TNXB: variants seen among roughly 807,000 people sequenced by gnomAD.
TNXB encodes tenascin XB, also known as tenascin-X.
A neutral mutation model predicts 340.5 loss-of-function variants in TNXB; 183 were observed. The observed-to-expected ratio is 0.54, with a 90% confidence interval of 0.48 to 0.61. The LOEUF is 0.61. Among genes scored for constraint, TNXB ranks in the 20% least tolerant of loss-of-function variants. TNXB has a pLI of 0.00. For missense variants in TNXB, 4,613 were observed against 5,446.4 expected (o/e 0.85, Z 4.82); for synonymous variants, 2,121 against 2,314.5 (o/e 0.92, Z 2.40).
At position 32,041,507 on chromosome 6, in the gene TNXB, G is replaced by A. The variant is rs451652; in HGVS notation, c.12634-57C>T. ...GCCGGATGTCCCATCTGCTCTTCCC[G>A]TTCCCCTTAAGGAGGTAGCTCCCAG... On this transcript the variant is annotated intron_variant, in intron 43 of 43. Transcript: ENST00000644971. 24,394 of 1,215,108 alleles carry A rather than the reference G, an allele frequency of 0.02. 2,328 individuals are homozygous for A. Among genetic ancestry groups the A allele is most frequent in the African/African-American group, 0.094 (5,493 of 58,554 alleles). 75.3% of individuals were successfully genotyped at this position (1,215,108 alleles called of 1,614,324 possible). A position where few individuals can be genotyped will look rare whatever the true frequency, so the allele number is the denominator to read the frequency against.
In TNXB at chr6:32,045,777, C is replaced by T. The variant is rs536277109; in HGVS notation, c.10606+398G>A. 1,160 of 1,048,352 alleles carry T rather than the reference C, an allele frequency of 1.1e-3. 1 individual carries two copies. In the African/African-American group the frequency reaches 0.015, roughly 13 times the overall value. The allele number at this position is 1,048,352 out of a possible 1,614,324, so 64.9% of individuals were successfully genotyped here. A position where few individuals can be genotyped will look rare whatever the true frequency, so the allele number is the denominator to read the frequency against. ...CCACTGCTGTTGGTTTCTGTGTCCC[C>T]GCTCATTTTGTTTTCCAGTGATGTT... On this transcript the variant is annotated intron_variant, in intron 31 of 43. Coordinates refer to ENST00000644971, the MANE Select transcript of TNXB (RefSeq NM_001365276.2).
chr6:32,086,256 C>T, intron 6 of TNXB, 138 bp from the exon 7 acceptor site: 3 of 1,052,290 alleles, frequency 2.9e-6, no homozygotes, highest in Non-Finnish European at 3.9e-6. Flanking sequence ...CTGGGCCACT[C>T]CCTCCTCCCA....
rs534795841 is a variant in TNXB, at chr6:32,096,916, G to A, written c.937C>T (p.Arg313Trp). 3 of 1,577,780 alleles carry A rather than the reference G, an allele frequency of 1.9e-6. No individual in the cohort carries two copies. The highest frequency in any genetic ancestry group is 1.7e-5 in the Admixed American group (1 of 58,802). The change falls in exon 3 of 44, where the codon CGG becomes TGG. Residue 313 changes from arginine (R) to tryptophan (W), a missense_variant. Arg to Trp is a moderately radical substitution (Grantham distance 101). This residue lies in a region of TNXB where 4,327 missense variants were observed against 4,859.4 expected (regional missense o/e 0.89). Coordinates refer to ENST00000644971, the MANE Select transcript of TNXB (RefSeq NM_001365276.2). Reference protein sequence around the residue: ...GEDCGVRSCPRGCSQRGRCKD... With the variant: ...GEDCGVRSCPWGCSQRGRCKD... The stretch of plus-strand genomic sequence containing the variant: ...CAGCGTCCCCGCTGGCTGCAGCCCC[G>A]AGGGCAGCTCCTCACCCCACAGTCC...
Position 32,073,658 on chromosome 6 carries a change from AC to A in TNXB, c.4669del (p.Val1557SerfsTer3). On this transcript the variant is annotated frameshift_variant, in exon 12 of 44. Transcript: ENST00000644971. LOFTEE classifies it high-confidence loss of function. The surrounding 1 kb of genome is among the most constrained non-coding windows in gnomAD (Gnocchi z 4.6). Reference sequence around the variant, plus strand: ...CCCCCATTACTCACCCGTCACGATGACCACAGACAGGGGGCCCATGCGTTGC... The same window carrying A: ...CCCCCATTACTCACCCGTCACGATGACACAGACAGGGGGCCCATGCGTTGC... ...DGQRMGPLSVVIVTAPLPPAP... is the reference protein window; with the variant it reads ...DGQRMGPLSVXIVTAPLPPAP... 6.2e-7 allele frequency: 1 copy of A among 1,606,834 alleles called. No individual in the cohort carries two copies. Among genetic ancestry groups the A allele is most frequent in the East Asian group, 2.2e-5 (1 of 44,786 alleles).
chr6:32,085,922 T>G lies in TNXB; in HGVS notation c.2976A>C (p.Gln992His), dbSNP rs183834630. Residue 992 changes from glutamine to histidine, a missense_variant, in exon 7 of 44, where the codon CAA becomes CAC. Transcript: ENST00000644971. The surrounding 1 kb of genome is among the most constrained non-coding windows in gnomAD (Gnocchi z 6.4). ...GCCCCTCGGGCACCCGCATGCGCAGTTGGAAGTAGGCAAAGGTGTCAGGCT... is the reference window on the plus strand; with the variant it reads ...GCCCCTCGGGCACCCGCATGCGCAGGTGGAAGTAGGCAAAGGTGTCAGGCT... Reference protein sequence around the residue: ...TAQPDTFAYFQLRMRVPEGPG... With the variant: ...TAQPDTFAYFHLRMRVPEGPG... 1.2e-6 allele frequency: 2 copies of G among 1,608,554 alleles called. No homozygotes were observed. Among genetic ancestry groups the G allele is most frequent in the East Asian group, 4.5e-5 (2 of 44,874 alleles).
intron 21 of TNXB, among the ~76,000 whole-genome samples, chr6:32,060,844 G>A (rs1777963171): frequency 6.6e-6 from 1 of 151,924 alleles, no homozygotes; most frequent in South Asian, 2.1e-4. Context: ...TCACCATGTT[G>A]GCTAGACTGG....
rs12524664 is a variant in TNXB, at chr6:32,061,654, G to A, written c.7235C>T (p.Pro2412Leu). Reference protein sequence around the residue: ...SMEAPEPPEEPLLGELTVTGS... With the variant: ...SMEAPEPPEELLLGELTVTGS... The stretch of plus-strand genomic sequence containing the variant: ...TGTCACTGTTAGCTCCCCCAGGAGC[G>A]GCTCCTCAGGGGGCTCCGGGGCCTC... The change falls in exon 21 of 44, where the codon CCG (proline) becomes CTG (leucine). Residue 2412 changes from proline to leucine, a missense_variant. Pro to Leu is a moderately conservative substitution (Grantham distance 98). This residue lies in a region of TNXB where 4,327 missense variants were observed against 4,859.4 expected (regional missense o/e 0.89). Coordinates refer to ENST00000644971, the MANE Select transcript of TNXB (RefSeq NM_001365276.2). This position sits in a 1 kb window ranked among gnomAD's most constrained non-coding sequence, Gnocchi z 4.4. 108,653 of 1,612,568 alleles carry A rather than the reference G, an allele frequency of 0.067. 4,611 individuals are homozygous for A. Among genetic ancestry groups the A allele is most frequent in the African/African-American group, 0.16 (12,171 of 74,936 alleles).
rs1779306642 is a variant in TNXB at position 32,079,339 on chromosome 6, G to C, written c.4069C>G (p.Pro1357Ala). Residue 1357 changes from proline (P) to alanine (A), a missense_variant, in exon 11 of 44, where the codon CCC becomes GCC. Transcript: ENST00000644971. This position sits in a 1 kb window ranked among gnomAD's most constrained non-coding sequence, Gnocchi z 7.1. ...TAPQEDVDET[P>A]SPTELGTEAP... ...TCCGTGCCCAGTTCTGTGGGGCTGG[G>C]GGTCTCGTCCACATCCTCCTGAGGA... is the stretch of plus-strand genomic sequence containing the variant. 6.2e-7 allele frequency: 1 copy of C among 1,610,542 alleles called. No homozygotes were observed. The highest frequency in any genetic ancestry group is 8.5e-7 in the Non-Finnish European group (1 of 1,178,342).
intron 43 of TNXB, 104 bp from the exon 44 acceptor site, chr6:32,041,554 G>A: frequency 9.3e-7 from 1 of 1,073,384 alleles, no homozygotes; most frequent in Non-Finnish European, 1.4e-6. Flanking sequence ...CCTCCCCGCA[G>A]AGCTCCCTTC....
chr6:32,081,442 CGGT>C lies in TNXB; in HGVS notation c.3965_3967del (p.Asp1322_Arg1323delinsGly). 6.3e-7 allele frequency: 1 copy of C among 1,575,418 alleles called. No individual in the cohort carries two copies. The highest frequency in any genetic ancestry group is 1.3e-5 in the African/African-American group (1 of 74,164). On this transcript the variant is annotated inframe_deletion, in exon 10 of 44. Coordinates refer to ENST00000644971, the MANE Select transcript of TNXB (RefSeq NM_001365276.2). This position sits in a 1 kb window ranked among gnomAD's most constrained non-coding sequence, Gnocchi z 5.1. Reference sequence around the variant, plus strand: ...CCCGTAGAGGTTCATCTTATACTTCCGGTCGGGATCCAGGCCGGGGACAGTAAC... The same window carrying C: ...CCCGTAGAGGTTCATCTTATACTTCCCGGGATCCAGGCCGGGGACAGTAAC...
chr6:32,095,547 T>TC (rs1374539492), intron 3 of TNXB, 64 bp downstream of exon 3: 1 of 1,555,032 alleles, frequency 6.4e-7, no homozygotes, highest in Admixed American at 1.8e-5. Context: ...GCTCAGGTCT[T>TC]CCCCATGGCT....
In TNXB at chr6:32,089,253, C is replaced by T. The variant is rs147172260; in HGVS notation, c.2485G>A (p.Gly829Ser). 7.9e-4 allele frequency: 1,275 copies of T among 1,606,008 alleles called. 11 individuals are homozygous for T. Among genetic ancestry groups the T allele is most frequent in the South Asian group, 7.5e-3 (674 of 89,594 alleles). ...GTGATGGTCTTGGAGGCAGGAAGGC[C>T]CCAGCTGGTCCCTCGAAGGGCTCGG... The part of the protein sequence containing the change: ...TVRALRGTSW[G>S]LPASKTITTM... Residue 829 changes from glycine (G) to serine (S), a missense_variant, in exon 5 of 44, where the codon GGC becomes AGC. By Grantham distance (56) the Gly-to-Ser change is moderately conservative (BLOSUM62 0). This residue lies in a region of TNXB where 4,327 missense variants were observed against 4,859.4 expected (regional missense o/e 0.89). Transcript: ENST00000644971. The surrounding 1 kb of genome is among the most constrained non-coding windows in gnomAD (Gnocchi z 6.2).
rs2856444 is a variant in TNXB at position 32,048,596 on chromosome 6, G to T, written c.9812C>A (p.Ala3271Glu). The T allele has an allele frequency of 6.5e-7, 1 of 1,533,820 alleles. No homozygotes were observed. Among genetic ancestry groups the T allele is most frequent in the Non-Finnish European group, 8.8e-7 (1 of 1,135,172 alleles). The change falls in exon 29 of 44, where the codon GCG (alanine) becomes GAG (glutamate). Residue 3271 changes from alanine (A) to glutamate (E), a missense_variant. By Grantham distance (107) the Ala-to-Glu change is moderately radical. Coordinates refer to ENST00000644971, the MANE Select transcript of TNXB (RefSeq NM_001365276.2). Reference sequence around the variant, plus strand: ...GCCCACTGAGTCCGAGGTCACGGCCGCCACCGCCAGCTCCCCCAGGCGGGG... The same window carrying T: ...GCCCACTGAGTCCGAGGTCACGGCCTCCACCGCCAGCTCCCCCAGGCGGGG... ...VEPRLGELAV[A>E]AVTSDSVGLS...
At chr6:32,076,824 A>C (rs1779105179) in intron 11 of TNXB, among the ~76,000 whole-genome samples, 1 of 152,086 alleles carries the variant, frequency 6.6e-6, no homozygotes, top group South Asian at 2.1e-4. Context: ...TCTACTAAAA[A>C]TACAAAAATT....
At chr6:32,054,776 G>A (rs1347154290) in intron 24 of TNXB, among the ~76,000 whole-genome samples, 2 of 152,198 alleles carry the variant, frequency 1.3e-5, no homozygotes, top group African/African-American at 2.4e-5. Flanking sequence ...GCCTATGAAA[G>A]AAAAAGGCAG....
chr6:32,077,195 G>T (rs888887297), intron 11 of TNXB, among the ~76,000 whole-genome samples: 2 of 152,112 alleles, frequency 1.3e-5, no homozygotes, highest in African/African-American at 4.8e-5. Context: ...CAGAGGGAGG[G>T]TCACTCCAGG....
rs760257516 is a variant in TNXB, at chr6:32,052,811, G to T, written c.8974C>A (p.Arg2992=). The T allele has an allele frequency of 6.2e-7, 1 of 1,613,584 alleles. No individual in the cohort carries two copies. ...CCCCTGACACGCACCACCTGGGGCC[G>T]CCCGTCCCTGTCCTTGTACTGCACA... The part of the protein sequence containing the change: ...FTVQYKDRDG[R]PQVVRVRGEE... Residue 2992 remains arginine, a synonymous_variant, in exon 26 of 44, where the codon CGG becomes AGG. Transcript: ENST00000644971. This position sits in a 1 kb window ranked among gnomAD's most constrained non-coding sequence, Gnocchi z 4.7.
At position 32,084,633 on chromosome 6, in the gene TNXB, G is replaced by A. The variant is rs372197657; in HGVS notation, c.3225C>T (p.Ser1075=). ...CCGTCCAGCGCAGGAGCAAGGAGTCGGAGGTCCTGTCTGTCACCGTCAGCT... is the reference window on the plus strand; with the variant it reads ...CCGTCCAGCGCAGGAGCAAGGAGTCAGAGGTCCTGTCTGTCACCGTCAGCT... ...LGELTVTDRT[S]DSLLLRWTVP... is the part of the protein sequence containing the mutation. Residue 1075 remains serine, a synonymous_variant, in exon 8 of 44, where the codon TCC becomes TCT. Transcript: ENST00000644971. The surrounding 1 kb of genome is among the most constrained non-coding windows in gnomAD (Gnocchi z 5.5). 2.4e-5 allele frequency: 39 copies of A among 1,601,322 alleles called. No individual in the cohort carries two copies. The highest frequency in any genetic ancestry group is 3.4e-5 in the Admixed American group (2 of 59,700).
rs376314262 is a variant in TNXB at position 32,069,099 on chromosome 6, C to T, written c.5625G>A (p.Pro1875=). ...REETETETTA[P]TPPAPEPHLG... is the part of the protein sequence containing the mutation. ...GGTGGGGCTCAGGCGCTGGAGGGGT[C>T]GGGGCCGTGGTCTCAGTTTCCGTTT... The change falls in exon 16 of 44, where the codon CCG becomes CCA. Residue 1875 remains proline (P), a synonymous_variant. Transcript: ENST00000644971. The surrounding 1 kb of genome is among the most constrained non-coding windows in gnomAD (Gnocchi z 6.2). 68 of 1,611,302 alleles carry T rather than the reference C, an allele frequency of 4.2e-5. No individual in the cohort carries two copies. Among genetic ancestry groups the T allele is most frequent in the Non-Finnish European group, 3.3e-5 (39 of 1,179,464 alleles).
Sources: gnomAD v4.1 joint callset for allele counts (sites outside exome capture counted in the v4.1 genomes callset) on GRCh38, gnomAD v4.1.1 for gene constraint, gnomAD v4.1.1 regional missense constraint, Gnocchi (gnomAD v3.1) non-coding constraint, MANE v1.5 for transcripts, NCBI Gene and HGNC (gene_info 2026-07-23, HGNC 2026-07-21) for gene names.